LUZP2: variants seen among roughly 807,000 people sequenced by gnomAD.
LUZP2 encodes leucine zipper protein 2.
LUZP2 carries 52 observed loss-of-function variants against 51.6 expected under a neutral mutation model. That is an observed-to-expected ratio of 1.01 (90% CI 0.81 to 1.27). The LOEUF (loss-of-function observed/expected upper bound fraction) is 1.27, where lower values mean the gene tolerates loss of function less well. LUZP2 is among the 50% of genes most tolerant of loss of function. The pLI is 0.00. For synonymous variants in LUZP2, 154 were observed against 137.3 expected (o/e 1.12, Z -0.85); for missense variants, 436 against 395.4 (o/e 1.10, Z -0.87).
chr11:24,593,828 A>T (rs1210625347), intron 1 of LUZP2, among the ~76,000 whole-genome samples: 7 of 152,202 alleles, frequency 4.6e-5, no homozygotes, highest in Admixed American at 4.6e-4. Flanking sequence ...TCAACTCAAG[A>T]GGAGAACTAA....
chr11:24,544,993 G>T (rs567930248), intron 1 of LUZP2, among the ~76,000 whole-genome samples: 67 of 152,190 alleles, frequency 4.4e-4, no homozygotes, highest in African/African-American at 1.5e-3. Flanking sequence ...ACTGGTGTGA[G>T]ATGATATCTC....
At chr11:24,934,658 A>G (rs774886414) in intron 7 of LUZP2, among the ~76,000 whole-genome samples, 8 of 152,232 alleles carry the variant, frequency 5.3e-5, no homozygotes, top group Admixed American at 3.3e-4. Flanking sequence ...TTAAAATGTT[A>G]TATGTCAGGA....
chr11:25,009,590 A>G (rs529205350), intron 9 of LUZP2, among the ~76,000 whole-genome samples: 3 of 152,262 alleles, frequency 2.0e-5, no homozygotes, highest in East Asian at 1.9e-4. Flanking sequence ...AGGGATCACC[A>G]TGTCATTATA....
intron 5 of LUZP2, among the ~76,000 whole-genome samples, chr11:24,885,825 C>A (rs911444442): frequency 1.3e-5 from 2 of 152,120 alleles, no homozygotes; most frequent in Admixed American, 6.6e-5. Context: ...TGATTCGATT[C>A]TAAGTGAAGA....
chr11:24,933,101 G>A (rs529062467), intron 7 of LUZP2, among the ~76,000 whole-genome samples: 1 of 152,312 alleles, frequency 6.6e-6, no homozygotes, highest in African/African-American at 2.4e-5. Context: ...CTTCCCCAGT[G>A]AGGATGTGTG....
intron 4 of LUZP2, among the ~76,000 whole-genome samples, chr11:24,758,259 G>A (rs948070966): frequency 6.6e-6 from 1 of 151,980 alleles, no homozygotes; most frequent in Non-Finnish European, 1.5e-5. Flanking sequence ...TTGAAAGAGT[G>A]ATATGTTCTA....
At chr11:24,839,404 A>G (rs1445192156) in intron 5 of LUZP2, among the ~76,000 whole-genome samples, 2 of 151,742 alleles carry the variant, frequency 1.3e-5, no homozygotes, top group African/African-American at 2.4e-5. Context: ...TCTATTTTTT[A>G]TAGAGGTTAA....
Position 25,079,255 on chromosome 11 carries a change from T to C in LUZP2, c.*597T>C. On this transcript the variant is annotated 3_prime_UTR_variant, in exon 12 of 12. Transcript: ENST00000336930. ...GTCAGCTAACATAATTCATTAAGTATGTTTGGCATCATATGGACAAAATAT... is the reference window on the plus strand; with the variant it reads ...GTCAGCTAACATAATTCATTAAGTACGTTTGGCATCATATGGACAAAATAT... The C allele has an allele frequency of 6.6e-6, 1 of 152,252 alleles. No individual in the cohort carries two copies. The highest frequency in any genetic ancestry group is 2.1e-4 in the South Asian group (1 of 4,832). The allele number at this position is 152,252 out of a possible 1,614,324, so 9.4% of individuals were successfully genotyped here.
intron 1 of LUZP2, among the ~76,000 whole-genome samples, chr11:24,616,912 G>A (rs1426087169): frequency 6.6e-6 from 1 of 152,090 alleles, no homozygotes; most frequent in Non-Finnish European, 1.5e-5. Context: ...TTGTTTTATG[G>A]CACACAGCAT....
intron 7 of LUZP2, among the ~76,000 whole-genome samples, chr11:24,965,425 A>C (rs987376320): frequency 1.3e-5 from 2 of 151,574 alleles, no homozygotes; most frequent in Non-Finnish European, 3.0e-5. Flanking sequence ...CTGTCTACCA[A>C]GAAAGAATAT....
chr11:24,926,151 A>G (rs1854222832), intron 7 of LUZP2, among the ~76,000 whole-genome samples: 1 of 151,176 alleles, frequency 6.6e-6, no homozygotes, highest in South Asian at 2.1e-4. Context: ...CCAAAGGCCC[A>G]TAAATCAATA....
chr11:24,551,585 G>T (rs1393662709), intron 1 of LUZP2, among the ~76,000 whole-genome samples: 2 of 151,768 alleles, frequency 1.3e-5, no homozygotes, highest in African/African-American at 4.8e-5. Context: ...TGAATATGAT[G>T]GTGTGTGAAA....
intron 7 of LUZP2, among the ~76,000 whole-genome samples, chr11:24,933,325 G>C (rs1296236936): frequency 6.6e-6 from 1 of 152,152 alleles, no homozygotes; most frequent in African/African-American, 2.4e-5. Context: ...GGAGCTGCAA[G>C]TTAGTCCTGC....
chr11:24,518,226 C>T (rs890952835), intron 1 of LUZP2, among the ~76,000 whole-genome samples: 15 of 152,102 alleles, frequency 9.9e-5, no homozygotes, highest in African/African-American at 3.6e-4. Context: ...TTATTTAAAG[C>T]TTAGCTAAGT....
At chr11:24,911,987 A>G (rs1340587748) in intron 6 of LUZP2, among the ~76,000 whole-genome samples, 1 of 152,176 alleles carries the variant, frequency 6.6e-6, no homozygotes, top group Non-Finnish European at 1.5e-5. Flanking sequence ...GGAAATGAAA[A>G]CAAATCAATT....
chr11:24,820,872 A>G (rs1303143327), intron 5 of LUZP2, among the ~76,000 whole-genome samples: 2 of 152,278 alleles, frequency 1.3e-5, no homozygotes, highest in East Asian at 1.9e-4. Context: ...GCTGTAGTCT[A>G]TTCTATGATA....
chr11:24,587,648 C>T (rs571589870), intron 1 of LUZP2, among the ~76,000 whole-genome samples: 1 of 152,150 alleles, frequency 6.6e-6, no homozygotes, highest in South Asian at 2.1e-4. Flanking sequence ...CTCAAAACAT[C>T]TTGTGATGAC....
chr11:25,075,072 A>G (rs1859262422), intron 10 of LUZP2, among the ~76,000 whole-genome samples: 1 of 152,180 alleles, frequency 6.6e-6, no homozygotes. Context: ...CAAGAATAAT[A>G]AAAACAGCAG....
chr11:24,823,600 G>C (rs1349672278), intron 5 of LUZP2, among the ~76,000 whole-genome samples: 1 of 152,124 alleles, frequency 6.6e-6, no homozygotes, highest in Non-Finnish European at 1.5e-5. Context: ...CCAAGTTGGT[G>C]ACTTCAGCAA....
Sources: allele counts gnomAD v4.1 joint callset (sites outside exome capture counted in the v4.1 genomes callset), GRCh38; gene constraint gnomAD v4.1.1; transcripts MANE v1.5; gene names NCBI Gene and HGNC (gene_info 2026-07-23, HGNC 2026-07-21).